MORC1: variants seen among roughly 807,000 people sequenced by gnomAD.
The protein encoded by MORC1 is MORC family CW-type zinc finger 1.
In MORC1, 59 loss-of-function variants were observed where a neutral mutation model predicts 134.9. The observed-to-expected ratio is 0.44, with a 90% confidence interval of 0.35 to 0.54. The LOEUF is 0.54. Among genes scored for constraint, MORC1 ranks in the 20% least tolerant of loss-of-function variants. The probability of loss-of-function intolerance (pLI) is 0.00; values close to 1 mark genes in which losing one functional copy is unlikely to be tolerated. For synonymous variants in MORC1, 395 were observed against 391.7 expected, an observed-to-expected ratio of 1.01 and a Z score of -0.10; for missense variants, 947 against 1,134.5, an observed-to-expected ratio of 0.83 and a Z score of 2.37.
At chr3:109,087,759 G>C (rs1950643361) in intron 8 of MORC1, among the ~76,000 whole-genome samples, 1 of 151,936 alleles carries the variant, frequency 6.6e-6, no homozygotes, top group African/African-American at 2.4e-5. Flanking sequence ...AAAAGAGCCT[G>C]ACTAGCCAAA....
Position 109,062,164 on chromosome 3 carries a change from C to T in MORC1, c.896-106G>A, listed in dbSNP as rs1950098910. 12 of 957,662 alleles carry T rather than the reference C, an allele frequency of 1.3e-5. No homozygotes were observed. In the South Asian group the frequency reaches 1.6e-4, roughly 13 times the overall value. 59.3% of individuals were successfully genotyped at this position (957,662 alleles called of 1,614,324 possible). ...ATGACCAGTGAAAAAGGCATACAGA[C>T]CATGATCTGAGAAAACCCTATGTTC... On this transcript the variant is annotated intron_variant, in intron 10 of 27. Transcript: ENST00000232603.
chr3:109,092,674 T>G (rs543308502), intron 8 of MORC1, among the ~76,000 whole-genome samples: 20 of 152,340 alleles, frequency 1.3e-4, no homozygotes, highest in African/African-American at 4.8e-4. Context: ...TAATTTCACC[T>G]ATTCTTTTTA....
intron 24 of MORC1, 97 bp downstream of exon 24, chr3:108,979,418 T>C (rs1947649314): frequency 7.8e-7 from 1 of 1,285,964 alleles, no homozygotes. Flanking sequence ...CTGAATTTAT[T>C]CAGTATCATT....
At chr3:108,984,383 A>G (rs1576596093) in intron 23 of MORC1, among the ~76,000 whole-genome samples, 1 of 152,188 alleles carries the variant, frequency 6.6e-6, no homozygotes, top group Admixed American at 6.5e-5. Flanking sequence ...CAGAGAAAAA[A>G]AAATCAGTTA....
At chr3:109,032,505 G>A (rs1457247571) in intron 16 of MORC1, among the ~76,000 whole-genome samples, 4 of 152,098 alleles carry the variant, frequency 2.6e-5, no homozygotes, top group Non-Finnish European at 5.9e-5. Context: ...TCACCCCAAC[G>A]TCTTCAGATA....
chr3:109,091,478 T>TAAATAAATAAATAAAA (rs1420819054), intron 8 of MORC1, among the ~76,000 whole-genome samples: 12 of 148,180 alleles, frequency 8.1e-5, no homozygotes, highest in Admixed American at 2.7e-4. Context: ...AATAAATAAA[T>TAAATAAATAAATAAAA]AAAAAGTATG....
At chr3:109,032,168 G>A (rs1287234590) in intron 16 of MORC1, among the ~76,000 whole-genome samples, 2 of 152,142 alleles carry the variant, frequency 1.3e-5, no homozygotes, top group Non-Finnish European at 2.9e-5. Context: ...ACTTAGGGGT[G>A]CTTTTGTTAA....
chr3:108,965,476 A>G (rs1222672068), intron 26 of MORC1, among the ~76,000 whole-genome samples: 1 of 152,228 alleles, frequency 6.6e-6, no homozygotes. Flanking sequence ...ATATTAGTGG[A>G]TGCCAGGAGT....
intron 14 of MORC1, among the ~76,000 whole-genome samples, chr3:109,043,188 TGGGG>T (rs112162969): frequency 1.8e-5 from 1 of 55,566 alleles, no homozygotes; most frequent in Admixed American, 1.9e-4. Flanking sequence ...TGGCAAAATG[TGGGG>T]GGGGGGGGGT....
chr3:109,097,780 G>A (rs1236016488), intron 6 of MORC1, among the ~76,000 whole-genome samples: 1 of 152,164 alleles, frequency 6.6e-6, no homozygotes, highest in Non-Finnish European at 1.5e-5. Flanking sequence ...GAAATAAGTT[G>A]TACATGAAAA....
rs1553762144 is a variant in MORC1 at position 109,091,446 on chromosome 3, A to AAATAAATAAATAAATAAAT, written c.689+1989_689+1990insATTTATTTATTTATTTATT. 6.8e-4 allele frequency among the ~76,000 whole-genome samples: 100 copies of AAATAAATAAATAAATAAAT among 146,944 alleles called. 2 individuals are homozygous for AAATAAATAAATAAATAAAT. Among genetic ancestry groups the AAATAAATAAATAAATAAAT allele is most frequent in the Admixed American group, 2.3e-3 (33 of 14,570 alleles). On this transcript the variant is annotated intron_variant, in intron 8 of 27. Coordinates refer to ENST00000232603, the MANE Select transcript of MORC1 (RefSeq NM_014429.4). ...GCAACAGGGTGAGACTCCATCTAAA[A>AAATAAATAAATAAATAAAT]AAATAAATAAATAAATAAATAAATA...
intron 9 of MORC1, among the ~76,000 whole-genome samples, chr3:109,066,312 G>GT (rs1241802684): frequency 6.7e-6 from 1 of 150,248 alleles, no homozygotes; most frequent in African/African-American, 2.5e-5. Context: ...CTGAGACAGA[G>GT]TTTCACTCAG....
At chr3:109,071,065 G>A (rs545257771) in intron 8 of MORC1, among the ~76,000 whole-genome samples, 5 of 152,202 alleles carry the variant, frequency 3.3e-5, no homozygotes, top group African/African-American at 1.2e-4. Context: ...GCTGCTTTTA[G>A]TATACCCAGA....
intron 8 of MORC1, among the ~76,000 whole-genome samples, chr3:109,090,137 AG>A (rs1399425317): frequency 6.6e-6 from 1 of 152,086 alleles, no homozygotes; most frequent in East Asian, 1.9e-4. Flanking sequence ...AAGTGGAAAC[AG>A]GTCACCTTTA....
intron 24 of MORC1, among the ~76,000 whole-genome samples, chr3:108,978,729 A>G (rs2715734): frequency 0.13 from 19,218 of 152,232 alleles, 1,301 homozygotes; most frequent in Non-Finnish European, 0.15. Flanking sequence ...ATCACTGACG[A>G]AAAAATCAAG....
intron 18 of MORC1, among the ~76,000 whole-genome samples, chr3:109,006,683 T>C (rs1948547643): frequency 6.6e-6 from 1 of 152,110 alleles, no homozygotes; most frequent in African/African-American, 2.4e-5. Context: ...AGAAATGATA[T>C]AGGAACTATA....
At chr3:108,959,482 A>G (rs945053149) in intron 27 of MORC1, among the ~76,000 whole-genome samples, 8 of 152,124 alleles carry the variant, frequency 5.3e-5, no homozygotes, top group African/African-American at 1.9e-4. Flanking sequence ...TTGTAGGCAA[A>G]AACAGACAAG....
At chr3:109,052,020 G>A (rs1397760161) in intron 14 of MORC1, among the ~76,000 whole-genome samples, 1 of 152,140 alleles carries the variant, frequency 6.6e-6, no homozygotes, top group Non-Finnish European at 1.5e-5. Flanking sequence ...TTTCTTCTAA[G>A]GATGAAGACA....
At chr3:108,962,090 T>C (rs985920027) in intron 27 of MORC1, among the ~76,000 whole-genome samples, 1 of 152,150 alleles carries the variant, frequency 6.6e-6, no homozygotes, top group Non-Finnish European at 1.5e-5. Flanking sequence ...CCTACTCTCA[T>C]AGCAATAAAT....
Sources: allele counts gnomAD v4.1 joint callset (sites outside exome capture counted in the v4.1 genomes callset), GRCh38; gene constraint gnomAD v4.1.1; transcripts MANE v1.5; gene names NCBI Gene and HGNC (gene_info 2026-07-23, HGNC 2026-07-21).